The following GALNT13 variants were observed in gnomAD, a reference collection of about 807,000 sequenced individuals.
The protein encoded by GALNT13 is UDP-GalNAc:polypeptide N-acetylgalactosaminyltransferase 13.
A neutral mutation model predicts 64.2 loss-of-function variants in GALNT13; 28 were observed. That is an observed-to-expected ratio of 0.44 (90% confidence interval 0.32 to 0.60). The LOEUF (loss-of-function observed/expected upper bound fraction) is 0.60. GALNT13 is among the 20% of genes least tolerant of loss of function. GALNT13 has a pLI of 0.05. For missense variants in GALNT13, 577 were observed against 669.8 expected, an observed-to-expected ratio of 0.86 and a Z score of 1.53; for synonymous variants, 214 against 224.6, an observed-to-expected ratio of 0.95 and a Z score of 0.42.
chr2:154,302,479 T>C (rs1693499044), intron 9 of GALNT13, among the ~76,000 whole-genome samples: 1 of 152,242 alleles, frequency 6.6e-6, no homozygotes, highest in Non-Finnish European at 1.5e-5. Context: ...TAGAAAAGGC[T>C]ATTTGATTTT....
At chr2:153,625,224 G>A in the GALNT13 span, among the ~76,000 whole-genome samples, 1 of 152,000 alleles carries the variant, frequency 6.6e-6, no homozygotes, top group Non-Finnish European at 1.5e-5. Context: ...GAACAAAATG[G>A]CTCAGGGGAG....
the GALNT13 span, among the ~76,000 whole-genome samples, chr2:153,670,576 A>C: frequency 9.2e-5 from 14 of 152,364 alleles, no homozygotes; most frequent in East Asian, 2.7e-3. Flanking sequence ...AAGGTAGATA[A>C]AACCGCAAAG....
the GALNT13 span, among the ~76,000 whole-genome samples, chr2:153,376,851 A>G: frequency 2.0e-5 from 3 of 152,202 alleles, no homozygotes; most frequent in South Asian, 2.1e-4. Context: ...CTTCATGGAC[A>G]TACATTAGGA....
intron 3 of GALNT13, among the ~76,000 whole-genome samples, chr2:154,113,650 G>A: frequency 6.6e-6 from 1 of 152,218 alleles, no homozygotes; most frequent in East Asian, 1.9e-4. Context: ...TCACCAATAA[G>A]TCTAGTGTGT....
chr2:153,503,914 A>C, the GALNT13 span, among the ~76,000 whole-genome samples: 1 of 151,924 alleles, frequency 6.6e-6, no homozygotes, highest in Admixed American at 6.6e-5. Flanking sequence ...TTCTAGTTAC[A>C]TGAGGAATAA....
chr2:153,533,184 A>C, the GALNT13 span, among the ~76,000 whole-genome samples: 1 of 152,146 alleles, frequency 6.6e-6, no homozygotes, highest in Non-Finnish European at 1.5e-5. Flanking sequence ...GTAATTTGAA[A>C]GGGGTATAAT....
At chr2:153,398,168 C>T in the GALNT13 span, among the ~76,000 whole-genome samples, 4 of 147,656 alleles carry the variant, frequency 2.7e-5, no homozygotes, top group Non-Finnish European at 4.5e-5. Flanking sequence ...TGAGAATATA[C>T]GGTGTCTGGT....
chr2:154,251,312 T>C (rs536449822), intron 7 of GALNT13, among the ~76,000 whole-genome samples: 1 of 152,210 alleles, frequency 6.6e-6, no homozygotes, highest in Admixed American at 6.6e-5. Context: ...CCAATTACTC[T>C]ACATCCTTGT....
At chr2:153,336,946 T>C in the GALNT13 span, among the ~76,000 whole-genome samples, 149 of 152,284 alleles carry the variant, frequency 9.8e-4, no homozygotes, top group Admixed American at 2.4e-3. Context: ...TGAGATCTGA[T>C]GGGTTTATCA....
At chr2:153,793,542 C>T in the GALNT13 span, among the ~76,000 whole-genome samples, 1 of 151,968 alleles carries the variant, frequency 6.6e-6, no homozygotes, top group South Asian at 2.1e-4. Flanking sequence ...TTTCATATTG[C>T]TCCTTGTCTC....
intron 3 of GALNT13, among the ~76,000 whole-genome samples, chr2:154,022,071 T>C (rs1697548732): frequency 6.6e-6 from 1 of 152,212 alleles, no homozygotes; most frequent in East Asian, 1.9e-4. Context: ...TCATGGTGAA[T>C]AAGCTTTTTG....
the GALNT13 span, among the ~76,000 whole-genome samples, chr2:153,360,883 G>T: frequency 1.3e-5 from 2 of 152,162 alleles, no homozygotes; most frequent in African/African-American, 4.8e-5. Flanking sequence ...AAAATGTACT[G>T]TTAAATGGCT....
chr2:154,245,573 A>G (rs1286908524), intron 6 of GALNT13, among the ~76,000 whole-genome samples: 1 of 152,184 alleles, frequency 6.6e-6, no homozygotes, highest in Non-Finnish European at 1.5e-5. Context: ...CTAAGTTAGT[A>G]CTTAGAATGC....
At chr2:154,435,010 G>A (rs1324641391) in intron 11 of GALNT13, among the ~76,000 whole-genome samples, 1 of 152,198 alleles carries the variant, frequency 6.6e-6, no homozygotes, top group Admixed American at 6.5e-5. Flanking sequence ...GAAAGGCACA[G>A]AAATTGATTG....
chr2:153,996,126 G>T (rs1311469056), intron 3 of GALNT13, among the ~76,000 whole-genome samples: 1 of 152,104 alleles, frequency 6.6e-6, no homozygotes, highest in Admixed American at 6.6e-5. Flanking sequence ...GACCAGTGCT[G>T]CAATAAACAT....
chr2:154,408,110 A>G (rs1428444674), intron 10 of GALNT13, among the ~76,000 whole-genome samples: 1 of 152,108 alleles, frequency 6.6e-6, no homozygotes, highest in African/African-American at 2.4e-5. Context: ...ATAAATACAT[A>G]CTTGGGGTTG....
At chr2:154,051,377 G>A (rs1699605164) in intron 3 of GALNT13, among the ~76,000 whole-genome samples, 1 of 137,834 alleles carries the variant, frequency 7.3e-6, no homozygotes, top group African/African-American at 2.7e-5. Context: ...TGCAAGCTCC[G>A]CTTCCCGGGT....
intron 3 of GALNT13, among the ~76,000 whole-genome samples, chr2:153,979,302 A>G (rs1460510781): frequency 6.6e-6 from 1 of 152,156 alleles, no homozygotes; most frequent in African/African-American, 2.4e-5. Flanking sequence ...TTTAAATAAT[A>G]TGCTGGGTTG....
At chr2:153,216,820 AT>A in the GALNT13 span, among the ~76,000 whole-genome samples, 1 of 151,734 alleles carries the variant, frequency 6.6e-6, no homozygotes, top group African/African-American at 2.4e-5. Context: ...CAATTTATCA[AT>A]TTTTTTCTTT....
Sources: allele counts gnomAD v4.1 joint callset (sites outside exome capture counted in the v4.1 genomes callset), GRCh38; gene constraint gnomAD v4.1.1; transcripts MANE v1.5; gene names NCBI Gene and HGNC (gene_info 2026-07-23, HGNC 2026-07-21).